ACOXL: variants seen among roughly 807,000 people sequenced by gnomAD.
ACOXL encodes acyl-CoA oxidase like, also known as acyl-coenzyme A oxidase-like protein.
Under a neutral mutation model 71.9 loss-of-function variants are expected in ACOXL, and 70 were observed. That is an observed-to-expected ratio of 0.97 (90% CI 0.80 to 1.19). The LOEUF (loss-of-function observed/expected upper bound fraction) is 1.19. Ranked by LOEUF, ACOXL falls within the 50% of genes most tolerant of loss-of-function variation. The pLI, the probability that ACOXL is intolerant of heterozygous loss-of-function variation, is 0.00. For missense variants in ACOXL, 703 were observed against 736.3 expected, an observed-to-expected ratio of 0.95 and a Z score of 0.52; for synonymous variants, 253 against 281.6, an observed-to-expected ratio of 0.90 and a Z score of 1.02.
intron 17 of ACOXL, among the ~76,000 whole-genome samples, chr2:111,102,646 C>CAA (rs11327626): frequency 7.0e-6 from 1 of 143,448 alleles, no homozygotes. Flanking sequence ...CCATGTTGCA[C>CAA]AAAAAAAAAA....
chr2:110,969,227 TCTCAA>T (rs1318671135), intron 12 of ACOXL, among the ~76,000 whole-genome samples: 4 of 151,906 alleles, frequency 2.6e-5, no homozygotes, highest in Non-Finnish European at 4.4e-5. Context: ...AGAGGAAAGG[TCTCAA>T]CTCATTCACC....
chr2:110,895,886 A>C (rs1352722496), intron 10 of ACOXL, among the ~76,000 whole-genome samples: 1 of 152,128 alleles, frequency 6.6e-6, no homozygotes, highest in Non-Finnish European at 1.5e-5. Flanking sequence ...TGCTAAGGAA[A>C]TTTTTCTAAA....
At chr2:111,093,577 A>T (rs2068651610) in intron 17 of ACOXL, 1 of 1,602,280 alleles carries the variant, frequency 6.2e-7, no homozygotes, top group South Asian at 1.1e-5. Context: ...TAAAAACATA[A>T]ATACTGGCCA....
chr2:110,796,835 C>T (rs1685342902), intron 5 of ACOXL, among the ~76,000 whole-genome samples: 1 of 152,208 alleles, frequency 6.6e-6, no homozygotes, highest in South Asian at 2.1e-4. Flanking sequence ...TTTCCCTGTG[C>T]AAACATATGT....
intron 1 of ACOXL, among the ~76,000 whole-genome samples, chr2:110,766,897 C>T (rs975153934): frequency 2.6e-5 from 4 of 152,184 alleles, no homozygotes; most frequent in African/African-American, 4.8e-5. Flanking sequence ...TGCACCAGGT[C>T]GGGAACTCAG....
intron 9 of ACOXL, among the ~76,000 whole-genome samples, chr2:110,840,013 G>A (rs949343548): frequency 4.0e-5 from 2 of 50,548 alleles, no homozygotes; most frequent in African/African-American, 1.1e-4. Flanking sequence ...TGTTTTTGAC[G>A]GAGTCTCACT....
intron 10 of ACOXL, among the ~76,000 whole-genome samples, chr2:110,850,439 A>G (rs147652809): frequency 6.6e-6 from 1 of 152,338 alleles, no homozygotes; most frequent in African/African-American, 2.4e-5. Flanking sequence ...AATGTAATAA[A>G]TGGGCAAAAA....
chr2:110,883,255 A>C (rs181738947), intron 10 of ACOXL, among the ~76,000 whole-genome samples: 2 of 152,006 alleles, frequency 1.3e-5, no homozygotes, highest in Admixed American at 6.6e-5. Flanking sequence ...GATTACAGGC[A>C]TATGCCACCA....
chr2:110,909,015 A>G (rs1347512979), intron 11 of ACOXL, 110 bp downstream of exon 11: 1 of 820,888 alleles, frequency 1.2e-6, no homozygotes, highest in African/African-American at 1.7e-5. Context: ...TGATCAGGAA[A>G]GAGTCTGTTG....
intron 17 of ACOXL, chr2:111,093,589 G>A (rs1317772175): frequency 1.1e-5 from 17 of 1,577,636 alleles, no homozygotes; most frequent in Non-Finnish European, 1.5e-5. Flanking sequence ...TACTGGCCAG[G>A]TGCAGTGGCT....
chr2:110,910,610 T>C lies in ACOXL; in HGVS notation c.905+1705T>C, dbSNP rs550018429. Reference sequence around the variant, plus strand: ...CAGTTGTTCTTCATCCTGACCAACATTTGTTTCAGTTCTTTCTTAATCATA... The same window carrying C: ...CAGTTGTTCTTCATCCTGACCAACACTTGTTTCAGTTCTTTCTTAATCATA... On this transcript the variant is annotated intron_variant, in intron 11 of 17. Coordinates refer to ENST00000439055, the MANE Select transcript of ACOXL (RefSeq NM_001142807.4). Among the ~76,000 whole-genome samples the C allele has an allele frequency of 1.1e-4, 16 of 152,316 alleles. No homozygotes were observed. In the East Asian group the frequency reaches 2.9e-3, roughly 28 times the overall value.
chr2:110,954,811 C>G lies in ACOXL; in HGVS notation c.1059+21169C>G, dbSNP rs1448884945. On this transcript the variant is annotated intron_variant, in intron 12 of 17. Transcript: ENST00000439055. ...TTTCTGGGGTACTTTCTTCTAAACA[C>G]CATTTAGTGTGGTCTGTAGTTTTTG... 1.9e-4 allele frequency among the ~76,000 whole-genome samples: 3 copies of G among 15,580 alleles called. No individual in the cohort carries two copies. In the Non-Finnish European group the frequency reaches 3.3e-3, roughly 17 times the overall value. 10.2% of individuals were successfully genotyped at this position (15,580 alleles called of 152,430 possible). A position where few individuals can be genotyped will look rare whatever the true frequency, so the allele number is the denominator to read the frequency against.
At chr2:110,989,963 C>G (rs2063104725) in intron 13 of ACOXL, among the ~76,000 whole-genome samples, 1 of 152,076 alleles carries the variant, frequency 6.6e-6, no homozygotes, top group Non-Finnish European at 1.5e-5. Context: ...TTGCTTGAAC[C>G]CAGGAAGCGG....
chr2:110,885,147 T>C (rs1046306974), intron 10 of ACOXL, among the ~76,000 whole-genome samples: 4 of 152,162 alleles, frequency 2.6e-5, no homozygotes, highest in African/African-American at 9.7e-5. Flanking sequence ...CAAAACAACA[T>C]AGAAGCATGG....
chr2:110,929,692 G>A (rs954184435), intron 11 of ACOXL, among the ~76,000 whole-genome samples: 6 of 152,188 alleles, frequency 3.9e-5, no homozygotes, highest in African/African-American at 1.2e-4. Context: ...ATGGTCTCAT[G>A]GGCCAGGCCC....
At chr2:110,798,935 C>A in intron 6 of ACOXL, 79 bp from the exon 7 acceptor site, 1 of 1,448,464 alleles carries the variant, frequency 6.9e-7, no homozygotes, top group Non-Finnish European at 9.7e-7. Context: ...TTGAGGATCA[C>A]AGAAATGTTA....
At chr2:111,011,589 A>T (rs1574478168) in intron 14 of ACOXL, among the ~76,000 whole-genome samples, 1 of 152,276 alleles carries the variant, frequency 6.6e-6, no homozygotes, top group East Asian at 1.9e-4. Flanking sequence ...TAAAACAAGG[A>T]ATGTTACCAG....
chr2:110,823,396 G>A (rs2105540626), intron 9 of ACOXL, among the ~76,000 whole-genome samples: 1 of 152,206 alleles, frequency 6.6e-6, no homozygotes, highest in South Asian at 2.1e-4. Context: ...CCAGTTTTTG[G>A]TGATTATGAA....
intron 10 of ACOXL, among the ~76,000 whole-genome samples, chr2:110,904,991 A>G (rs553213023): frequency 6.6e-6 from 1 of 152,030 alleles, no homozygotes; most frequent in East Asian, 1.9e-4. Flanking sequence ...TGTCTTCAGC[A>G]ATTAGCTGGC....
Sources: gnomAD v4.1 joint callset for allele counts (sites outside exome capture counted in the v4.1 genomes callset) on GRCh38, gnomAD v4.1.1 for gene constraint, MANE v1.5 for transcripts, NCBI Gene and HGNC (gene_info 2026-07-23, HGNC 2026-07-21) for gene names.